GSE1: variants seen among roughly 807,000 people sequenced by gnomAD.
GSE1 encodes genetic suppressor element 1.
A neutral mutation model predicts 112.6 loss-of-function variants in GSE1; 32 were observed. The ratio of observed to expected loss-of-function variants is 0.28; its 90% confidence interval spans 0.21 to 0.38. The LOEUF is 0.38. Ranked by LOEUF, GSE1 falls within the 10% of genes least tolerant of loss-of-function variation. The pLI is 1.00. For synonymous variants in GSE1, 1,115 were observed against 735.6 expected (o/e 1.52, Z -8.35); for missense variants, 2,348 against 1,699.2 (o/e 1.38, Z -6.71).
intron 2 of GSE1, among the ~76,000 whole-genome samples, chr16:85,475,219 C>A (rs142209056): frequency 2.0e-4 from 30 of 152,344 alleles, no homozygotes; most frequent in Middle Eastern, 6.8e-3. Flanking sequence ...AGCCCAGACC[C>A]CACCCCACCT....
intron 1 of GSE1, among the ~76,000 whole-genome samples, chr16:85,302,101 A>C (rs576210806): frequency 1.3e-5 from 2 of 152,262 alleles, no homozygotes; most frequent in African/African-American, 4.8e-5. Context: ...CCAGATCTCA[A>C]AATCATCCAC....
At chr16:85,287,227 G>A (rs1328050809) in intron 1 of GSE1, among the ~76,000 whole-genome samples, 2 of 152,234 alleles carry the variant, frequency 1.3e-5, no homozygotes, top group Non-Finnish European at 2.9e-5. Context: ...TGTGCAAGAC[G>A]TGCACCACTT....
At chr16:85,581,543 C>G (rs948709906) in intron 1 of GSE1, among the ~76,000 whole-genome samples, 7 of 152,152 alleles carry the variant, frequency 4.6e-5, no homozygotes, top group Admixed American at 1.3e-4. Context: ...GGGAGAGACC[C>G]CAAGGCAGGA....
chr16:85,448,247 C>T (rs543221884), intron 2 of GSE1, among the ~76,000 whole-genome samples: 2 of 152,240 alleles, frequency 1.3e-5, no homozygotes, highest in Admixed American at 1.3e-4. Context: ...CATACCTGGG[C>T]CCAAGCTTAG....
chr16:85,174,789 G>C (rs2074427078), intron 1 of GSE1, among the ~76,000 whole-genome samples: 1 of 152,248 alleles, frequency 6.6e-6, no homozygotes, highest in South Asian at 2.1e-4. Flanking sequence ...GGGAATGAGA[G>C]CTGGGGCTCC....
At chr16:85,322,090 C>T (rs1056223336) in intron 1 of GSE1, among the ~76,000 whole-genome samples, 7 of 152,262 alleles carry the variant, frequency 4.6e-5, no homozygotes, top group African/African-American at 1.4e-4. Context: ...CTGCACCCAG[C>T]AACTTGCAGG....
chr16:85,262,279 CTT>C (rs1321643871), intron 1 of GSE1, among the ~76,000 whole-genome samples: 2 of 152,246 alleles, frequency 1.3e-5, no homozygotes, highest in Admixed American at 6.5e-5. Context: ...CTCCCCGTCT[CTT>C]GTTAGTGGTT....
At chr16:85,554,129 C>T (rs892249813), upstream of GSE1, among the ~76,000 whole-genome samples, 1 of 149,490 alleles carries the variant, frequency 6.7e-6, no homozygotes, top group Admixed American at 6.7e-5. Flanking sequence ...ATTGTCACAT[C>T]AAGAGGCAGC....
intron 1 of GSE1, among the ~76,000 whole-genome samples, chr16:85,223,144 G>T (rs1040777923): frequency 1.3e-5 from 2 of 152,098 alleles, no homozygotes; most frequent in Non-Finnish European, 2.9e-5. Context: ...AAGTCTTCAA[G>T]CCTATGGTTA....
intron 1 of GSE1, among the ~76,000 whole-genome samples, chr16:85,216,026 C>T (rs1478003364): frequency 1.3e-5 from 2 of 152,182 alleles, no homozygotes; most frequent in Non-Finnish European, 2.9e-5. Context: ...GGGGGTCAGC[C>T]CACAGCCAAC....
chr16:85,494,922 T>C (rs1014971851), intron 2 of GSE1, among the ~76,000 whole-genome samples: 3 of 150,702 alleles, frequency 2.0e-5, no homozygotes, highest in Non-Finnish European at 4.4e-5. Context: ...CCTCTGCCGG[T>C]GCAGGCTTTC....
intron 2 of GSE1, among the ~76,000 whole-genome samples, chr16:85,420,284 T>C (rs970907913): frequency 6.6e-6 from 1 of 152,128 alleles, no homozygotes; most frequent in Admixed American, 6.5e-5. Context: ...GTCGCCCTAG[T>C]ACCTCTGGAG....
intron 2 of GSE1, among the ~76,000 whole-genome samples, chr16:85,468,670 G>T (rs2151840121): frequency 6.6e-6 from 1 of 152,242 alleles, no homozygotes; most frequent in African/African-American, 2.4e-5. Flanking sequence ...TCATCTTGGA[G>T]AGCTTTGAGA....
chr16:85,646,646 C>T (rs750887668), intron 2 of GSE1, among the ~76,000 whole-genome samples: 85 of 152,290 alleles, frequency 5.6e-4, no homozygotes, highest in Admixed American at 1.2e-3. Context: ...GTGAGCCGGA[C>T]ACTGAGCTGT....
At chr16:85,232,147 G>T (rs1279349015) in intron 1 of GSE1, among the ~76,000 whole-genome samples, 1 of 152,220 alleles carries the variant, frequency 6.6e-6, no homozygotes, top group East Asian at 1.9e-4. Context: ...CATCCCTTGG[G>T]AGGTAAATGT....
At position 85,614,089 on chromosome 16, in the gene GSE1, C is replaced by T. The variant is rs573801434; in HGVS notation, c.7+691C>T. On this transcript the variant is annotated intron_variant, in intron 1 of 15. Coordinates refer to ENST00000253458, the MANE Select transcript of GSE1 (RefSeq NM_014615.5). ...CGGCGGAGCGGCTCCCTGCCCCTCC[C>T]CTCCCCCCCGCAGAAGATGGCTGCC... is the stretch of plus-strand genomic sequence containing the variant. 7.9e-5 allele frequency among the ~76,000 whole-genome samples: 12 copies of T among 151,082 alleles called. No individual in the cohort carries two copies. In the South Asian group the frequency reaches 2.3e-3, roughly 29 times the overall value.
At chr16:85,312,759 G>T (rs1324640372) in intron 1 of GSE1, among the ~76,000 whole-genome samples, 1 of 151,826 alleles carries the variant, frequency 6.6e-6, no homozygotes, top group Non-Finnish European at 1.5e-5. Context: ...AGAAGGAGGG[G>T]GAGGAAGGAG....
At chr16:85,611,528 G>A, upstream of GSE1, 9 of 966,702 alleles carry the variant, frequency 9.3e-6, no homozygotes, top group Non-Finnish European at 1.1e-5. Flanking sequence ...GCCAGCGTCC[G>A]CAGGTAGGAG....
chr16:85,434,169 C>T (rs560850741), intron 2 of GSE1, among the ~76,000 whole-genome samples: 1 of 152,188 alleles, frequency 6.6e-6, no homozygotes, highest in East Asian at 1.9e-4. Flanking sequence ...GCCATGGTCC[C>T]AGGATTTATT....
Sources: allele counts gnomAD v4.1 joint callset (sites outside exome capture counted in the v4.1 genomes callset), GRCh38; gene constraint gnomAD v4.1.1; transcripts MANE v1.5; gene names NCBI Gene and HGNC (gene_info 2026-07-23, HGNC 2026-07-21).